LRRC8C: variants seen among roughly 807,000 people sequenced by gnomAD.
LRRC8C encodes volume-regulated anion channel subunit LRRC8C.
LRRC8C carries 20 observed loss-of-function variants against 55.3 expected under a neutral mutation model. The ratio of observed to expected loss-of-function variants is 0.36; its 90% CI spans 0.25 to 0.53. The LOEUF is 0.53. Ranked by LOEUF, LRRC8C falls within the 20% of genes least tolerant of loss-of-function variation. LRRC8C has a pLI of 0.92. For synonymous variants in LRRC8C, 376 were observed against 360.7 expected, an observed-to-expected ratio of 1.04 and a Z score of -0.48; for missense variants, 659 against 951.4, an observed-to-expected ratio of 0.69 and a Z score of 4.04.
At chr1:89,633,398 C>G (rs544302335) in intron 1 of LRRC8C, 76 bp downstream of exon 1, 1 of 152,492 alleles carries the variant, frequency 6.6e-6, no homozygotes, top group Admixed American at 6.5e-5. Context: ...GCTGTGCGCG[C>G]CGGACCGGGA....
upstream of LRRC8C, among the ~76,000 whole-genome samples, chr1:89,632,479 T>C (rs1043787051): frequency 2.6e-5 from 4 of 152,114 alleles, no homozygotes; most frequent in Admixed American, 1.3e-4. Flanking sequence ...TCCAAGGATA[T>C]TGGGTTTTGC....
intron 2 of LRRC8C, among the ~76,000 whole-genome samples, chr1:89,689,307 A>G (rs1340085093): frequency 1.3e-5 from 2 of 152,214 alleles, no homozygotes; most frequent in African/African-American, 2.4e-5. Context: ...GGGGAAGAAC[A>G]GTAAAAGGTG....
intron 1 of LRRC8C, among the ~76,000 whole-genome samples, chr1:89,682,481 C>T (rs1007319391): frequency 2.0e-5 from 3 of 152,164 alleles, no homozygotes; most frequent in South Asian, 2.1e-4. Context: ...TACCTCGGTT[C>T]TCAAAGTATG....
chr1:89,695,118 CA>C (rs1658136670), intron 2 of LRRC8C, among the ~76,000 whole-genome samples: 1 of 151,884 alleles, frequency 6.6e-6, no homozygotes, highest in African/African-American at 2.4e-5. Context: ...GATGGGGTTT[CA>C]CCATGTTGGC....
At chr1:89,644,930 A>G (rs1656572401) in intron 1 of LRRC8C, among the ~76,000 whole-genome samples, 1 of 152,124 alleles carries the variant, frequency 6.6e-6, no homozygotes, top group South Asian at 2.1e-4. Context: ...AAAAATCAGT[A>G]TTTTCCAAAG....
intron 1 of LRRC8C, among the ~76,000 whole-genome samples, chr1:89,684,271 TA>T (rs915453278): frequency 2.0e-5 from 3 of 152,176 alleles, no homozygotes; most frequent in Admixed American, 6.5e-5. Flanking sequence ...CTTTTATAAA[TA>T]AGTCCAATTT....
At chr1:89,639,617 C>G (rs1656399934) in intron 1 of LRRC8C, among the ~76,000 whole-genome samples, 1 of 152,176 alleles carries the variant, frequency 6.6e-6, no homozygotes, top group South Asian at 2.1e-4. Flanking sequence ...TGTTTTTCCA[C>G]ATATTTTCTC....
chr1:89,681,074 ATGT>A (rs1657695503), intron 1 of LRRC8C, among the ~76,000 whole-genome samples: 1 of 152,250 alleles, frequency 6.6e-6, no homozygotes, highest in African/African-American at 2.4e-5. Flanking sequence ...AAATAGAAAA[ATGT>A]TTAACTAGAA....
At chr1:89,701,198 C>G (rs920010687) in intron 2 of LRRC8C, among the ~76,000 whole-genome samples, 1 of 152,066 alleles carries the variant, frequency 6.6e-6, no homozygotes, top group Non-Finnish European at 1.5e-5. Context: ...ACAATGGGGC[C>G]AGGCGCGGTG....
At position 89,634,910 on chromosome 1, in the gene LRRC8C, A is replaced by G. The variant is rs542264770; in HGVS notation, c.-5+1588A>G. ...ATGTAGGGCAGTTTTGCAAAGATGG[A>G]TATTTGCCATGGTTCACATAATAGA... On this transcript the variant is annotated intron_variant, in intron 1 of 2. Coordinates refer to ENST00000370454, the MANE Select transcript of LRRC8C (RefSeq NM_032270.5). Among the ~76,000 whole-genome samples the G allele has an allele frequency of 1.6e-4, 24 of 152,312 alleles. 1 individual carries two copies. The South Asian group carries it at 4.4e-3, about 28-fold the overall frequency.
intron 2 of LRRC8C, among the ~76,000 whole-genome samples, chr1:89,695,264 A>G (rs1658143433): frequency 6.6e-6 from 1 of 152,158 alleles, no homozygotes; most frequent in Non-Finnish European, 1.5e-5. Flanking sequence ...ATTTTTCATC[A>G]TGTAATGACA....
chr1:89,633,195 C>G lies in LRRC8C; in HGVS notation c.-132C>G, dbSNP rs913799463. ...CCGCCGTGGCCGCGGCCGCAGTGCTCGGGCGCGACAAGCCATGAGCAGCGA... is the reference window on the plus strand; with the variant it reads ...CCGCCGTGGCCGCGGCCGCAGTGCTGGGGCGCGACAAGCCATGAGCAGCGA... On this transcript the variant is annotated 5_prime_UTR_variant, in exon 1 of 3. Coordinates refer to ENST00000370454, the MANE Select transcript of LRRC8C (RefSeq NM_032270.5). 6.6e-6 allele frequency: 1 copy of G among 152,232 alleles called. No individual in the cohort carries two copies. The highest frequency in any genetic ancestry group is 2.4e-5 in the African/African-American group (1 of 41,400). The allele number at this position is 152,232 out of a possible 1,614,324, so 9.4% of individuals were successfully genotyped here.
intron 2 of LRRC8C, among the ~76,000 whole-genome samples, chr1:89,701,486 A>AC (rs1229306390): frequency 6.6e-6 from 1 of 151,844 alleles, no homozygotes. Flanking sequence ...ATCTCAAAAA[A>AC]AAAAAAAGAA....
chr1:89,622,335 AT>A, the LRRC8C span, among the ~76,000 whole-genome samples: 103 of 145,396 alleles, frequency 7.1e-4, no homozygotes, highest in South Asian at 1.3e-3. Flanking sequence ...TACATGTAAA[AT>A]TTTTTTTTTT....
chr1:89,694,646 T>TGCATTG (rs1217436434), intron 2 of LRRC8C, among the ~76,000 whole-genome samples: 1 of 143,638 alleles, frequency 7.0e-6, no homozygotes, highest in East Asian at 2.1e-4. Flanking sequence ...CTGGAATGTG[T>TGCATTG]GCATTGGCAT....
At chr1:89,630,419 A>G (rs948248884), upstream of LRRC8C, among the ~76,000 whole-genome samples, 2 of 152,208 alleles carry the variant, frequency 1.3e-5, no homozygotes, top group Non-Finnish European at 2.9e-5. Context: ...TAGCCCAGAA[A>G]TATCTACTTC....
At chr1:89,663,972 G>C (rs1429878477) in intron 1 of LRRC8C, among the ~76,000 whole-genome samples, 1 of 152,050 alleles carries the variant, frequency 6.6e-6, no homozygotes, top group Non-Finnish European at 1.5e-5. Flanking sequence ...TGATGGTGTT[G>C]ATTTTTTTCT....
intron 2 of LRRC8C, among the ~76,000 whole-genome samples, chr1:89,710,098 G>A (rs1049684198): frequency 2.4e-4 from 36 of 152,174 alleles, no homozygotes; most frequent in African/African-American, 8.4e-4. Context: ...AATAGTTCAA[G>A]GGTGTCAGTC....
At chr1:89,703,861 C>G (rs949623514) in intron 2 of LRRC8C, among the ~76,000 whole-genome samples, 1 of 151,578 alleles carries the variant, frequency 6.6e-6, no homozygotes, top group African/African-American at 2.4e-5. Context: ...TCCAAATATC[C>G]AAATATGAGT....
Sources: gnomAD v4.1 joint callset for allele counts (sites outside exome capture counted in the v4.1 genomes callset) on GRCh38, gnomAD v4.1.1 for gene constraint, MANE v1.5 for transcripts, NCBI Gene and HGNC (gene_info 2026-07-23, HGNC 2026-07-21) for gene names.